The following ATP11A variants were observed in gnomAD, a reference collection of about 807,000 sequenced individuals.
ATP11A encodes the protein phospholipid-transporting ATPase IH.
In ATP11A, 81 loss-of-function variants were observed where a neutral mutation model predicts 154.4. That is an observed-to-expected ratio of 0.52 (90% CI 0.44 to 0.63). The LOEUF (loss-of-function observed/expected upper bound fraction) is 0.63. ATP11A is among the 30% of genes least tolerant of loss of function. The pLI is 0.00. For missense variants in ATP11A, 1,316 were observed against 1,474.3 expected (o/e 0.89, Z 1.76); for synonymous variants, 623 against 585.9 (o/e 1.06, Z -0.91).
At chr13:112,879,134 G>C (rs1023468431) in intron 29 of ATP11A, among the ~76,000 whole-genome samples, 1 of 152,150 alleles carries the variant, frequency 6.6e-6, no homozygotes, top group Non-Finnish European at 1.5e-5. Flanking sequence ...ACCAAATACC[G>C]CCTTCACGCA....
intron 1 of ATP11A, among the ~76,000 whole-genome samples, chr13:112,721,534 C>T (rs1429933119): frequency 6.6e-6 from 1 of 152,192 alleles, no homozygotes; most frequent in Non-Finnish European, 1.5e-5. Context: ...AACAGCTTCC[C>T]GTGTTCTTGG....
At chr13:112,701,103 G>C (rs1279334787) in intron 1 of ATP11A, among the ~76,000 whole-genome samples, 1 of 152,182 alleles carries the variant, frequency 6.6e-6, no homozygotes, top group African/African-American at 2.4e-5. Context: ...GAATGGGAGT[G>C]GCACCCGAAT....
At position 112,881,956 on chromosome 13, in the gene ATP11A, G is replaced by C; in HGVS notation, c.*90G>C. ...AGCAGGTGACACTCGCGGCCTGGAAGGAGAAGGTGTCCACGGAGCCCCCAC... is the reference window on the plus strand; with the variant it reads ...AGCAGGTGACACTCGCGGCCTGGAACGAGAAGGTGTCCACGGAGCCCCCAC... On this transcript the variant is annotated 3_prime_UTR_variant, in exon 30 of 30. Coordinates refer to ENST00000375645, the MANE Select transcript of ATP11A (RefSeq NM_015205.3). The C allele has an allele frequency of 7.3e-7, 1 of 1,367,820 alleles. No homozygotes were observed. Among genetic ancestry groups the C allele is most frequent in the Non-Finnish European group, 9.8e-7 (1 of 1,021,992 alleles). 84.7% of individuals were successfully genotyped at this position (1,367,820 alleles called of 1,614,324 possible).
chr13:112,741,953 C>CGCTCCCCTTCCCCACGGAAGAGT (rs1329900800), intron 1 of ATP11A, among the ~76,000 whole-genome samples: 14 of 151,458 alleles, frequency 9.2e-5, no homozygotes, highest in African/African-American at 2.4e-4. Context: ...CACGGAAGAG[C>CGCTCCCCTTCCCCACGGAAGAGT]GCTCCCCTTC....
chr13:112,708,576 C>G (rs544511624), intron 1 of ATP11A, among the ~76,000 whole-genome samples: 1 of 152,280 alleles, frequency 6.6e-6, no homozygotes, highest in East Asian at 1.9e-4. Context: ...TCCTTAGCAC[C>G]CTCACTCACA....
At chr13:112,844,795 T>TGGTCCTAACCAGTCCA (rs1204302270) in intron 17 of ATP11A, among the ~76,000 whole-genome samples, 3 of 122,280 alleles carry the variant, frequency 2.5e-5, no homozygotes, top group African/African-American at 1.4e-4. Flanking sequence ...AGTTGCCGGG[T>TGGTCCTAACCAGTCCA]GTTAGTGGTA....
chr13:112,781,119 A>T (rs1204123325), intron 1 of ATP11A, among the ~76,000 whole-genome samples: 3 of 151,268 alleles, frequency 2.0e-5, no homozygotes, highest in Admixed American at 2.0e-4. Flanking sequence ...TGTCACTGCA[A>T]CCTCCACCTC....
chr13:112,759,874 C>T (rs566750231), intron 1 of ATP11A, among the ~76,000 whole-genome samples: 2 of 152,236 alleles, frequency 1.3e-5, no homozygotes, highest in South Asian at 2.1e-4. Flanking sequence ...GTAGGTTATT[C>T]GCACAAGTTA....
At position 112,859,220 on chromosome 13, in the gene ATP11A, C is replaced by A; in HGVS notation, c.2668-173C>A. 1 of 645,122 alleles carries A rather than the reference C, an allele frequency of 1.6e-6. No homozygotes were observed. Among genetic ancestry groups the A allele is most frequent in the South Asian group, 1.7e-5 (1 of 57,484 alleles). 40.0% of individuals were successfully genotyped at this position (645,122 alleles called of 1,614,324 possible). A position where few individuals can be genotyped will look rare whatever the true frequency, so the allele number is the denominator to read the frequency against. On this transcript the variant is annotated intron_variant, in intron 22 of 29. Transcript: ENST00000375645. This position sits in a 1 kb window ranked among gnomAD's most constrained non-coding sequence, Gnocchi z 4.3. Reference sequence around the variant, plus strand: ...AGTGGCCAAAACGTGGTCACATGTGCATTTCAGTTGCCCCTGAAATAAGAG... The same window carrying A: ...AGTGGCCAAAACGTGGTCACATGTGAATTTCAGTTGCCCCTGAAATAAGAG...
chr13:112,738,966 T>C (rs970904840), intron 1 of ATP11A, among the ~76,000 whole-genome samples: 1 of 152,156 alleles, frequency 6.6e-6, no homozygotes, highest in Non-Finnish European at 1.5e-5. Context: ...CCATGGAGCC[T>C]AGCAGAGGAC....
intron 1 of ATP11A, among the ~76,000 whole-genome samples, chr13:112,752,439 C>T (rs1436826592): frequency 3.9e-5 from 6 of 152,248 alleles, no homozygotes; most frequent in South Asian, 2.1e-4. Context: ...ATCCTCCCGG[C>T]GGGCGCCCCT....
intron 16 of ATP11A, among the ~76,000 whole-genome samples, chr13:112,840,087 A>G (rs2079353444): frequency 6.6e-6 from 1 of 150,586 alleles, no homozygotes; most frequent in African/African-American, 2.5e-5. Flanking sequence ...TCCCAGCCTC[A>G]GCCTGCTCAC....
chr13:112,861,076 C>T lies in ATP11A; in HGVS notation c.2855+662C>T, dbSNP rs938381834. On this transcript the variant is annotated intron_variant, in intron 24 of 29. Coordinates refer to ENST00000375645, the MANE Select transcript of ATP11A (RefSeq NM_015205.3). The stretch of plus-strand genomic sequence containing the variant: ...GCGGAAGGCATGAGGAGCAAAGGCA[C>T]GTCTTACATGGTGGCAGACAGGAGA... 7.2e-5 allele frequency among the ~76,000 whole-genome samples: 11 copies of T among 152,140 alleles called. No individual in the cohort carries two copies. In the East Asian group the frequency reaches 1.2e-3, roughly 16 times the overall value.
At chr13:112,806,002 T>C (rs1406592629) in intron 3 of ATP11A, among the ~76,000 whole-genome samples, 6 of 151,636 alleles carry the variant, frequency 4.0e-5, no homozygotes, top group African/African-American at 1.5e-4. Flanking sequence ...TCCTTGAGCA[T>C]GTTCCTTAAT....
At chr13:112,842,692 G>A (rs1428668054) in intron 17 of ATP11A, among the ~76,000 whole-genome samples, 1 of 152,252 alleles carries the variant, frequency 6.6e-6, no homozygotes, top group Non-Finnish European at 1.5e-5. Flanking sequence ...GAATTAGCAC[G>A]TTTGTGGTTA....
At chr13:112,771,443 G>A (rs190174329) in intron 1 of ATP11A, among the ~76,000 whole-genome samples, 82 of 152,304 alleles carry the variant, frequency 5.4e-4, no homozygotes, top group East Asian at 2.7e-3. Context: ...GGTTAAATCC[G>A]GAGGACACAG....
Position 112,882,118 on chromosome 13 carries a change from C to T in ATP11A, c.*252C>T. 2 of 1,339,058 alleles carry T rather than the reference C, an allele frequency of 1.5e-6. No individual in the cohort carries two copies. The highest frequency in any genetic ancestry group is 2.0e-6 in the Non-Finnish European group (2 of 1,007,138). The allele number at this position is 1,339,058 out of a possible 1,614,324, so 82.9% of individuals were successfully genotyped here. A position where few individuals can be genotyped will look rare whatever the true frequency, so the allele number is the denominator to read the frequency against. On this transcript the variant is annotated 3_prime_UTR_variant, in exon 30 of 30. Coordinates refer to ENST00000375645, the MANE Select transcript of ATP11A (RefSeq NM_015205.3). This position sits in a 1 kb window ranked among gnomAD's most constrained non-coding sequence, Gnocchi z 5.1. ...GCACGTGCCTCTTCCTGGCCCCCAG[C>T]AGGCAAGGAGGGGGGTCACAGGCCT...
intron 1 of ATP11A, among the ~76,000 whole-genome samples, chr13:112,698,783 G>A (rs756131588): frequency 6.6e-6 from 1 of 152,054 alleles, no homozygotes; most frequent in Non-Finnish European, 1.5e-5. Context: ...GTGCAGTGGC[G>A]CTATTTCGGC....
At chr13:112,864,254 C>T (rs1445757615) in intron 25 of ATP11A, among the ~76,000 whole-genome samples, 9 of 117,970 alleles carry the variant, frequency 7.6e-5, no homozygotes, top group Non-Finnish European at 1.4e-4. Context: ...AGCTTCCCAG[C>T]GGGGTCCATC....
Sources: gnomAD v4.1 joint callset for allele counts (sites outside exome capture counted in the v4.1 genomes callset) on GRCh38, gnomAD v4.1.1 for gene constraint, Gnocchi (gnomAD v3.1) non-coding constraint, MANE v1.5 for transcripts, NCBI Gene and HGNC (gene_info 2026-07-23, HGNC 2026-07-21) for gene names.